Variants in MTFR1 observed in about 807,000 individuals in gnomAD.
MTFR1 encodes chondrocyte protein with a poly-proline region.
MTFR1 carries 28 observed loss-of-function variants against 38.8 expected under a neutral mutation model. The observed-to-expected ratio is 0.72, with a 90% confidence interval of 0.53 to 0.99. The LOEUF (loss-of-function observed/expected upper bound fraction) is 0.99. Ranked by LOEUF, MTFR1 falls within the 50% of genes least tolerant of loss-of-function variation. MTFR1 has a pLI of 0.00. For missense variants in MTFR1, 358 were observed against 395.5 expected, an observed-to-expected ratio of 0.91 and a Z score of 0.81; for synonymous variants, 145 against 137.0, an observed-to-expected ratio of 1.06 and a Z score of -0.41.
intron 1 of MTFR1, among the ~76,000 whole-genome samples, chr8:65,658,623 TAC>T (rs776185773): frequency 2.0e-5 from 3 of 151,984 alleles, no homozygotes; most frequent in South Asian, 2.1e-4. Context: ...CATGCACATA[TAC>T]ACACACACAC....
At chr8:65,759,270 G>A (rs1256010334) in intron 3 of MTFR1, among the ~76,000 whole-genome samples, 2 of 152,170 alleles carry the variant, frequency 1.3e-5, no homozygotes, top group African/African-American at 2.4e-5. Context: ...TGGGGGTGAG[G>A]GGCTCAGGAC....
At chr8:65,760,938 C>CA (rs1554561990) in intron 3 of MTFR1, among the ~76,000 whole-genome samples, 13 of 151,992 alleles carry the variant, frequency 8.6e-5, no homozygotes, top group Non-Finnish European at 1.5e-4. Context: ...AGAGAGGATA[C>CA]ATGAGGAACT....
intron 3 of MTFR1, among the ~76,000 whole-genome samples, chr8:65,738,693 A>G (rs1389665969): frequency 1.3e-5 from 2 of 152,118 alleles, no homozygotes; most frequent in African/African-American, 4.8e-5. Context: ...TCAGCCTCCC[A>G]AAGTGCTGGG....
chr8:65,688,671 C>G (rs1197905188), intron 3 of MTFR1, among the ~76,000 whole-genome samples: 2 of 150,372 alleles, frequency 1.3e-5, no homozygotes, highest in Non-Finnish European at 3.0e-5. Flanking sequence ...GTCTCGATCT[C>G]CTGACCTCGT....
chr8:65,713,027 G>GTAAT (rs150077816), downstream of MTFR1, among the ~76,000 whole-genome samples: 445 of 152,338 alleles, frequency 2.9e-3, 2 homozygotes, highest in African/African-American at 0.01. Flanking sequence ...GATAGGTGTT[G>GTAAT]TAATACAAGA....
At chr8:65,690,374 C>T (rs10111844) in intron 3 of MTFR1, among the ~76,000 whole-genome samples, 61,159 of 151,432 alleles carry the variant, frequency 0.4, 14,537 homozygotes, top group Non-Finnish European at 0.55. Context: ...CCATCTCTAC[C>T]AAAAATACAA....
At chr8:65,770,121 CTGTGTGTGTGTGTGTGTGTGTG>C (rs10608556) in intron 3 of MTFR1, among the ~76,000 whole-genome samples, 18 of 146,452 alleles carry the variant, frequency 1.2e-4, no homozygotes, top group East Asian at 5.9e-4. Flanking sequence ...CAGTATACTT[CTGTGTGTGTGTGTGTGTGTGTG>C]TGTGTGTGTG....
chr8:65,764,405 T>C (rs753029779), intron 3 of MTFR1, among the ~76,000 whole-genome samples: 1 of 152,210 alleles, frequency 6.6e-6, no homozygotes, highest in Non-Finnish European at 1.5e-5. Flanking sequence ...AAATTACAAA[T>C]GATGGATAGC....
At chr8:65,736,209 C>T (rs1049016561) in intron 3 of MTFR1, among the ~76,000 whole-genome samples, 3 of 152,132 alleles carry the variant, frequency 2.0e-5, no homozygotes, top group African/African-American at 7.2e-5. Context: ...GTGACGAACA[C>T]AAGCACTGTG....
rs775848639 is a variant in MTFR1, at chr8:65,704,894, T to C, written c.482T>C (p.Ile161Thr). 25 of 1,606,128 alleles carry C rather than the reference T, an allele frequency of 1.6e-5. No individual in the cohort carries two copies. In the African/African-American group the frequency reaches 1.6e-4, roughly 10 times the overall value. Residue 161 changes from isoleucine (I) to threonine (T), a missense_variant, in exon 5 of 8, where the codon ATT becomes ACT. Transcript: ENST00000262146. ...LAALRAQIAK[I>T]VTQQEQQNLT... ...GCTCTCAGAGCTCAGATTGCCAAAATTGTGACCCAGCAGGAGCAGCAAAAT... is the reference window on the plus strand; with the variant it reads ...GCTCTCAGAGCTCAGATTGCCAAAACTGTGACCCAGCAGGAGCAGCAAAAT...
intron 3 of MTFR1, among the ~76,000 whole-genome samples, chr8:65,733,228 C>G (rs1484944787): frequency 6.6e-6 from 1 of 152,200 alleles, no homozygotes; most frequent in East Asian, 1.9e-4. Context: ...TGCATCCCCA[C>G]CCTGCTCACC....
intron 1 of MTFR1, among the ~76,000 whole-genome samples, chr8:65,645,689 C>CTT (rs55776794): frequency 0.022 from 1,549 of 70,554 alleles, 46 homozygotes; most frequent in East Asian, 0.028. Flanking sequence ...TCACGCCCGG[C>CTT]TTTCCCCCCC....
chr8:65,746,192 C>T (rs60557661), intron 3 of MTFR1, among the ~76,000 whole-genome samples: 3,806 of 151,884 alleles, frequency 0.025, 177 homozygotes, highest in African/African-American at 0.086. Context: ...CCTTGGCCTC[C>T]GAACGTGCTA....
chr8:65,706,869 T>C (rs1265302172), intron 5 of MTFR1, 141 bp from the exon 6 acceptor site: 1 of 877,896 alleles, frequency 1.1e-6, no homozygotes, highest in East Asian at 2.7e-5. Context: ...ACTGAAACTG[T>C]CTTGCTTCTT....
intron 2 of MTFR1, among the ~76,000 whole-genome samples, chr8:65,679,060 T>C (rs1179498276): frequency 6.6e-6 from 1 of 152,328 alleles, no homozygotes; most frequent in Admixed American, 6.5e-5. Flanking sequence ...GCAAATCCTT[T>C]CTAAATTTTT....
intron 3 of MTFR1, among the ~76,000 whole-genome samples, chr8:65,752,287 T>C (rs1361210994): frequency 6.6e-6 from 1 of 152,202 alleles, no homozygotes; most frequent in African/African-American, 2.4e-5. Flanking sequence ...AGACCTTTTA[T>C]CTTAATTTCC....
chr8:65,722,717 A>G (rs1806436908), intron 3 of MTFR1: 1 of 152,238 alleles, frequency 6.6e-6, no homozygotes, highest in African/African-American at 2.4e-5. Flanking sequence ...TTTCTATAAT[A>G]CAGTTATTAG....
intron 1 of MTFR1, among the ~76,000 whole-genome samples, chr8:65,667,639 G>A (rs946033734): frequency 6.6e-6 from 1 of 152,016 alleles, no homozygotes; most frequent in East Asian, 1.9e-4. Context: ...TGTTGGCCAG[G>A]CTGGTCTTGA....
intron 1 of MTFR1, among the ~76,000 whole-genome samples, chr8:65,668,439 C>T (rs1804458145): frequency 1.4e-5 from 2 of 148,110 alleles, no homozygotes; most frequent in Non-Finnish European, 1.5e-5. Context: ...CCGCCCGCCT[C>T]AGCCCCCCAA....
Sources: gnomAD v4.1 joint callset for allele counts (sites outside exome capture counted in the v4.1 genomes callset) on GRCh38, gnomAD v4.1.1 for gene constraint, MANE v1.5 for transcripts, NCBI Gene and HGNC (gene_info 2026-07-23, HGNC 2026-07-21) for gene names.